SMG6: variants seen among roughly 807,000 people sequenced by gnomAD.
The protein encoded by SMG6 is SMG6 nonsense mediated mRNA decay factor.
Under a neutral mutation model 142.2 loss-of-function variants are expected in SMG6, and 66 were observed. That is an observed-to-expected ratio of 0.46 (90% confidence interval 0.38 to 0.57). The LOEUF is 0.57. Ranked by LOEUF, SMG6 falls within the 20% of genes least tolerant of loss-of-function variation. SMG6 has a pLI of 0.00. For synonymous variants in SMG6, 779 were observed against 702.4 expected (o/e 1.11, Z -1.72); for missense variants, 1,793 against 1,832.0 (o/e 0.98, Z 0.39).
At chr17:2,100,054 T>TC (rs1227680141) in intron 13 of SMG6, among the ~76,000 whole-genome samples, 13 of 150,126 alleles carry the variant, frequency 8.7e-5, no homozygotes, top group African/African-American at 3.0e-4. Flanking sequence ...TTTTTTTTTT[T>TC]CGAGACAGTG....
Position 2,186,776 on chromosome 17 carries a change from G to A in SMG6, c.3042C>T (p.Ser1014=). The part of the protein sequence containing the change: ...QDDQDDIKVS[S]FVPDLKELLP... ...GCAGCTCCTTCAGGTCCGGGACAAA[G>A]GAAGACACCTTGATGTCGTCTTGGT... is the stretch of plus-strand genomic sequence containing the variant. Residue 1014 remains serine (S), a synonymous_variant, in exon 12 of 19, where the codon TCC becomes TCT. Coordinates refer to ENST00000263073, the MANE Select transcript of SMG6 (RefSeq NM_017575.5). 6.2e-7 allele frequency: 1 copy of A among 1,614,230 alleles called. No homozygotes were observed. The highest frequency in any genetic ancestry group is 8.5e-7 in the Non-Finnish European group (1 of 1,180,040).
chr17:2,266,118 C>A, intron 8 of SMG6: 1 of 985,420 alleles, frequency 1.0e-6, no homozygotes, highest in South Asian at 4.7e-5. Flanking sequence ...CACTCAAAGT[C>A]TTTTACAATT....
rs532891099 is a variant in SMG6, at chr17:2,079,844, G to A, written c.3681+1966C>T. Among the ~76,000 whole-genome samples, 32 of 152,182 alleles carry A rather than the reference G, an allele frequency of 2.1e-4. No individual in the cohort carries two copies. The South Asian group carries it at 6.4e-3, about 31-fold the overall frequency. On this transcript the variant is annotated intron_variant, in intron 15 of 18. Transcript: ENST00000263073. ...AATCCCAGCACTTTGGGAGGCCAAG[G>A]CGGGCAGATCACCTGAGGTCAGGAG...
At chr17:2,174,242 CA>C (rs2071593074) in intron 12 of SMG6, among the ~76,000 whole-genome samples, 1 of 152,162 alleles carries the variant, frequency 6.6e-6, no homozygotes, top group East Asian at 1.9e-4. Flanking sequence ...CTAAAAACAA[CA>C]AAGAAGAATC....
intron 12 of SMG6, 105 bp downstream of exon 12, chr17:2,186,558 G>T: frequency 7.7e-7 from 1 of 1,292,508 alleles, no homozygotes; most frequent in Non-Finnish European, 1.1e-6. Context: ...TAGAGAGGCA[G>T]GCAGGCTGTG....
chr17:2,153,247 G>C (rs2070881777), intron 13 of SMG6, among the ~76,000 whole-genome samples: 1 of 152,062 alleles, frequency 6.6e-6, no homozygotes, highest in Non-Finnish European at 1.5e-5. Context: ...TTCCAATGTG[G>C]CCCAGGGAAG....
intron 13 of SMG6, among the ~76,000 whole-genome samples, chr17:2,118,752 G>A (rs1490679136): frequency 6.6e-6 from 1 of 151,966 alleles, no homozygotes; most frequent in African/African-American, 2.4e-5. Context: ...ATGTCTGGCT[G>A]ATTTTTTAAT....
chr17:2,223,647 A>C (rs1053449258), intron 10 of SMG6, among the ~76,000 whole-genome samples: 8 of 152,222 alleles, frequency 5.3e-5, no homozygotes, highest in African/African-American at 1.9e-4. Context: ...CTTTTTGTCA[A>C]TAAATGGCTC....
At chr17:2,087,733 G>A (rs2068604165) in intron 13 of SMG6, 4 of 986,702 alleles carry the variant, frequency 4.1e-6, no homozygotes, top group Non-Finnish European at 4.8e-6. Flanking sequence ...GGGCTAAAAG[G>A]CATTAAAGAA....
chr17:2,149,500 T>C (rs1267848911), intron 13 of SMG6, among the ~76,000 whole-genome samples: 2 of 152,166 alleles, frequency 1.3e-5, no homozygotes, highest in African/African-American at 4.8e-5. Flanking sequence ...CTTCTGGTAG[T>C]TGACATTTTG....
At chr17:2,244,993 A>C in intron 8 of SMG6, 1 of 450,216 alleles carries the variant, frequency 2.2e-6, no homozygotes. Flanking sequence ...GGTGAATCCT[A>C]ATAAGCAGGA....
intron 10 of SMG6, among the ~76,000 whole-genome samples, chr17:2,226,602 A>AC (rs1160881514): frequency 2.0e-5 from 3 of 149,818 alleles, no homozygotes; most frequent in African/African-American, 5.0e-5. Context: ...AAACAAACAA[A>AC]AAAAAAACAA....
intron 13 of SMG6, chr17:2,095,158 C>G (rs776742670): frequency 1.3e-5 from 2 of 152,266 alleles, no homozygotes; most frequent in Non-Finnish European, 2.9e-5. Flanking sequence ...ACTTACTGAA[C>G]CAGCAGGGGA....
At chr17:2,078,278 G>T (rs1340112118) in intron 15 of SMG6, among the ~76,000 whole-genome samples, 3 of 152,140 alleles carry the variant, frequency 2.0e-5, no homozygotes, top group Non-Finnish European at 4.4e-5. Flanking sequence ...GGGAATAAAT[G>T]TGTGAATAAA....
At position 2,081,846 on chromosome 17, in the gene SMG6, C is replaced by A. The variant is rs1473045706; in HGVS notation, c.3645G>T (p.Lys1215Asn). Residue 1215 changes from lysine (K) to asparagine (N), a missense_variant, in exon 15 of 19, where the codon AAG becomes AAT. This residue lies in a region of SMG6 where 1,597 missense variants were observed against 1,584.6 expected (regional missense o/e 1.01). Coordinates refer to ENST00000263073, the MANE Select transcript of SMG6 (RefSeq NM_017575.5). The part of the protein sequence containing the change: ...LRAKKLALAR[K>N]IAEQQRRQEK... ...CCTGGCGACGCTGCTGCTCAGCTAT[C>A]TTCCTGGCCAGAGCCAGCTTCTTGG... 6.2e-7 allele frequency: 1 copy of A among 1,614,018 alleles called. No individual in the cohort carries two copies. The highest frequency in any genetic ancestry group is 8.5e-7 in the Non-Finnish European group (1 of 1,180,038).
chr17:2,258,066 C>CACAT (rs1567724531), intron 8 of SMG6, among the ~76,000 whole-genome samples: 2 of 120,556 alleles, frequency 1.7e-5, no homozygotes, highest in African/African-American at 6.1e-5. Flanking sequence ...CACACACACA[C>CACAT]ATATATATAC....
At chr17:2,200,978 A>G (rs1300516143) in intron 10 of SMG6, among the ~76,000 whole-genome samples, 1 of 152,244 alleles carries the variant, frequency 6.6e-6, no homozygotes, top group Non-Finnish European at 1.5e-5. Flanking sequence ...TCTGATAAAT[A>G]GCCCCTTTGC....
At position 2,120,485 on chromosome 17, in the gene SMG6, T is replaced by C. The variant is rs143732417; in HGVS notation, c.3358-34584A>G. ...GCTCACGCCTAGCACTTTGGACGAG[T>C]GAGGCAGGAGGACTGCTTGAGCCCA... is the stretch of plus-strand genomic sequence containing the variant. On this transcript the variant is annotated intron_variant, in intron 13 of 18. Transcript: ENST00000263073. 6.0e-3 allele frequency among the ~76,000 whole-genome samples: 921 copies of C among 152,236 alleles called. 5 individuals carry two copies. Among genetic ancestry groups the C allele is most frequent in the Non-Finnish European group, 0.011 (716 of 68,000 alleles).
At chr17:2,149,970 C>T (rs534963303) in intron 13 of SMG6, among the ~76,000 whole-genome samples, 40 of 152,308 alleles carry the variant, frequency 2.6e-4, no homozygotes, top group African/African-American at 9.6e-4. Flanking sequence ...AGAAAGGAGA[C>T]AGGTTAGATT....
Sources: allele counts gnomAD v4.1 joint callset (sites outside exome capture counted in the v4.1 genomes callset), GRCh38; gene constraint gnomAD v4.1.1; regional missense constraint gnomAD v4.1.1; transcripts MANE v1.5; gene names NCBI Gene and HGNC (gene_info 2026-07-23, HGNC 2026-07-21).